Variants in FGD4 observed in about 807,000 individuals in gnomAD.
FGD4 encodes the protein FYVE, RhoGEF and PH domain-containing protein 4.
In FGD4, 42 loss-of-function variants were observed where a neutral mutation model predicts 102.0. The observed-to-expected ratio is 0.41, with a 90% CI of 0.32 to 0.53. The LOEUF (loss-of-function observed/expected upper bound fraction) is 0.53, where lower values mean the gene tolerates loss of function less well. Among genes scored for constraint, FGD4 ranks in the 20% least tolerant of loss-of-function variants. FGD4 has a pLI of 0.21. For missense variants in FGD4, 902 were observed against 1,078.2 expected (o/e 0.84, Z 2.29); for synonymous variants, 380 against 375.7 (o/e 1.01, Z -0.13).
At chr12:32,583,783 A>G (rs1242672383) in intron 4 of FGD4, among the ~76,000 whole-genome samples, 2 of 152,274 alleles carry the variant, frequency 1.3e-5, no homozygotes, top group Admixed American at 6.5e-5. Flanking sequence ...CTGAAACAGT[A>G]AAGAAACAGG....
intron 1 of FGD4, among the ~76,000 whole-genome samples, chr12:32,485,513 T>A (rs1262170368): frequency 6.9e-6 from 1 of 143,912 alleles, no homozygotes; most frequent in African/African-American, 2.5e-5. Context: ...GGATCTGGGC[T>A]CACTGCAAGC....
At position 32,581,889 on chromosome 12, in the gene FGD4, A is replaced by G. The variant is rs771594738; in HGVS notation, c.504-71A>G. The G allele has an allele frequency of 1.9e-6, 3 of 1,561,116 alleles. No homozygotes were observed. In the South Asian group the frequency reaches 3.4e-5, roughly 18 times the overall value. ...TAGCGAATATCCCTTTTCAACTGGA[A>G]TAAACTTGTCTTAATTCTAGAACTT... is the stretch of plus-strand genomic sequence containing the variant. On this transcript the variant is annotated intron_variant, in intron 3 of 16. Transcript: ENST00000534526.
intron 1 of FGD4, among the ~76,000 whole-genome samples, chr12:32,472,771 G>A (rs570560751): frequency 9.8e-5 from 15 of 152,354 alleles, no homozygotes; most frequent in Admixed American, 3.9e-4. Context: ...TGGTGGGGAC[G>A]TGGAGAGTCT....
rs1565749003 is a variant in FGD4, at chr12:32,453,212, A to ATATATATC, written c.166+53260_166+53261insCTATATAT. On this transcript the variant is annotated intron_variant, in intron 1 of 16. Coordinates refer to ENST00000534526, the MANE Select transcript of FGD4 (RefSeq NM_001370298.3). Reference sequence around the variant, plus strand: ...TTTTATATATATATTATATATATATATATATATAATATAGATATATATATA... The same window carrying ATATATATC: ...TTTTATATATATATTATATATATATATATATATCTATATATAATATAGATATATATATA... Among the ~76,000 whole-genome samples the ATATATATC allele has an allele frequency of 5.4e-3, 301 of 55,608 alleles. 1 individual carries two copies. Among genetic ancestry groups the ATATATATC allele is most frequent in the African/African-American group, 0.012 (282 of 23,542 alleles). 36.5% of individuals were successfully genotyped at this position (55,608 alleles called of 152,430 possible).
chr12:32,600,034 A>G (rs926604473), intron 5 of FGD4, among the ~76,000 whole-genome samples: 2 of 152,222 alleles, frequency 1.3e-5, no homozygotes, highest in African/African-American at 4.8e-5. Flanking sequence ...CCTTATCATT[A>G]GTTCCAGAAG....
At chr12:32,474,001 C>T (rs1351802969) in intron 1 of FGD4, among the ~76,000 whole-genome samples, 6 of 151,542 alleles carry the variant, frequency 4.0e-5, no homozygotes, top group African/African-American at 1.2e-4. Context: ...GGCAGGAGAA[C>T]GGCGTGAACC....
intron 1 of FGD4, among the ~76,000 whole-genome samples, chr12:32,437,920 T>G (rs11052002): frequency 6.6e-6 from 1 of 152,022 alleles, no homozygotes; most frequent in Non-Finnish European, 1.5e-5. Flanking sequence ...TGAGACAGAG[T>G]CTTGCTCTGT....
At chr12:32,414,224 G>T (rs898089390) in intron 1 of FGD4, among the ~76,000 whole-genome samples, 1 of 151,770 alleles carries the variant, frequency 6.6e-6, no homozygotes, top group African/African-American at 2.4e-5. Flanking sequence ...CACCTGCCTC[G>T]ACCTCCCAAA....
At chr12:32,571,623 T>C (rs115643566) in intron 2 of FGD4, among the ~76,000 whole-genome samples, 1 of 152,024 alleles carries the variant, frequency 6.6e-6, no homozygotes, top group Non-Finnish European at 1.5e-5. Context: ...CAAATGTTAG[T>C]TGAGAAGATA....
intron 1 of FGD4, among the ~76,000 whole-genome samples, chr12:32,543,112 A>G (rs1397582886): frequency 1.3e-5 from 2 of 152,206 alleles, no homozygotes; most frequent in Non-Finnish European, 2.9e-5. Flanking sequence ...TCCTCATCAG[A>G]TTTAATAATT....
intron 1 of FGD4, among the ~76,000 whole-genome samples, chr12:32,455,513 G>A (rs1374977543): frequency 6.6e-6 from 1 of 152,090 alleles, no homozygotes; most frequent in Non-Finnish European, 1.5e-5. Flanking sequence ...ATCATTTGCA[G>A]TAGACTTTCC....
At chr12:32,490,560 G>A (rs552064846) in intron 1 of FGD4, among the ~76,000 whole-genome samples, 2 of 151,954 alleles carry the variant, frequency 1.3e-5, no homozygotes, top group South Asian at 2.1e-4. Context: ...CACCATGCCC[G>A]GCTAATTTTT....
chr12:32,580,371 A>G (rs1946506713), intron 3 of FGD4, among the ~76,000 whole-genome samples: 2 of 152,196 alleles, frequency 1.3e-5, no homozygotes, highest in African/African-American at 4.8e-5. Context: ...CACAATCATC[A>G]TCATTATCAT....
intron 1 of FGD4, among the ~76,000 whole-genome samples, chr12:32,468,300 C>T (rs1020069020): frequency 1.3e-5 from 2 of 150,850 alleles, no homozygotes; most frequent in African/African-American, 4.9e-5. Flanking sequence ...GGAAACCTTT[C>T]TGTAGTGTAA....
chr12:32,457,242 T>C (rs530809346), intron 1 of FGD4, among the ~76,000 whole-genome samples: 64 of 141,894 alleles, frequency 4.5e-4, no homozygotes, highest in African/African-American at 1.5e-3. Context: ...ACATTGTTTA[T>C]AATTTTTTTT....
intron 1 of FGD4, among the ~76,000 whole-genome samples, chr12:32,561,090 T>G (rs1314205430): frequency 2.4e-5 from 3 of 126,332 alleles, no homozygotes; most frequent in Non-Finnish European, 5.1e-5. Context: ...TTTTTTTTTT[T>G]TTTTTTTTTT....
intron 4 of FGD4, among the ~76,000 whole-genome samples, chr12:32,586,470 T>C (rs992703907): frequency 6.6e-6 from 1 of 152,232 alleles, no homozygotes; most frequent in African/African-American, 2.4e-5. Flanking sequence ...TGTTGGGTTA[T>C]ACATAGGTAT....
chr12:32,596,586 T>TG (rs1184833641), intron 4 of FGD4, among the ~76,000 whole-genome samples: 1 of 151,930 alleles, frequency 6.6e-6, no homozygotes, highest in Non-Finnish European at 1.5e-5. Context: ...TGGAAAGTTT[T>TG]TTTTTTTTTA....
At chr12:32,526,899 C>T (rs192795325) in intron 1 of FGD4, among the ~76,000 whole-genome samples, 16 of 152,194 alleles carry the variant, frequency 1.1e-4, no homozygotes, top group African/African-American at 3.9e-4. Context: ...CCACCAATTC[C>T]GAACACATTT....
Sources: gnomAD v4.1 joint callset for allele counts (sites outside exome capture counted in the v4.1 genomes callset) on GRCh38, gnomAD v4.1.1 for gene constraint, MANE v1.5 for transcripts, NCBI Gene and HGNC (gene_info 2026-07-23, HGNC 2026-07-21) for gene names.